IFNGR2: variants seen among roughly 807,000 people sequenced by gnomAD.
IFNGR2 encodes the protein IFN-gamma receptor 2.
A neutral mutation model predicts 41.1 loss-of-function variants in IFNGR2; 15 were observed. That is an observed-to-expected ratio of 0.37 (90% CI 0.24 to 0.56). The LOEUF is 0.56. Ranked by LOEUF, IFNGR2 falls within the 20% of genes least tolerant of loss-of-function variation. The pLI is 0.81. For missense variants in IFNGR2, 362 were observed against 415.7 expected, an observed-to-expected ratio of 0.87 and a Z score of 1.12; for synonymous variants, 161 against 171.6, an observed-to-expected ratio of 0.94 and a Z score of 0.48.
At chr21:33,405,423 T>A (rs185493128) in intron 1 of IFNGR2, among the ~76,000 whole-genome samples, 1 of 152,322 alleles carries the variant, frequency 6.6e-6, no homozygotes, top group Admixed American at 6.5e-5. Flanking sequence ...ATCCTGACTC[T>A]GCTTCCACTT....
rs191419881 is a variant in IFNGR2, at chr21:33,415,509, A to C, written c.206+489A>C. Among the ~76,000 whole-genome samples, 338 of 152,348 alleles carry C rather than the reference A, an allele frequency of 2.2e-3. 1 individual carries two copies. Among genetic ancestry groups the C allele is most frequent in the Middle Eastern group, 0.017 (5 of 294 alleles). On this transcript the variant is annotated intron_variant, in intron 2 of 6. Coordinates refer to ENST00000290219, the MANE Select transcript of IFNGR2 (RefSeq NM_005534.4). ...CTTTCATCTGTCTCTTGCCTCTTCA[A>C]GCTTTTGCAGAATTGGCCATCACTT...
chr21:33,426,481 G>A (rs1316931021), intron 3 of IFNGR2, among the ~76,000 whole-genome samples: 2 of 151,942 alleles, frequency 1.3e-5, no homozygotes, highest in Non-Finnish European at 2.9e-5. Flanking sequence ...CACTTTGGGA[G>A]GCTGAGGTGG....
chr21:33,404,627 CTG>C (rs1291105897), intron 1 of IFNGR2, among the ~76,000 whole-genome samples: 2 of 152,118 alleles, frequency 1.3e-5, no homozygotes, highest in Non-Finnish European at 2.9e-5. Flanking sequence ...GGAGGTCTCA[CTG>C]TGTTGCCCAG....
Position 33,409,330 on chromosome 21 carries a change from G to A in IFNGR2, c.74-5558G>A, listed in dbSNP as rs1373518397. 2.3e-4 allele frequency among the ~76,000 whole-genome samples: 34 copies of A among 149,252 alleles called. 1 individual carries two copies. Among genetic ancestry groups the A allele is most frequent in the Admixed American group, 1.8e-3 (27 of 14,936 alleles). ...TAAAAGCACAAAAAAATAGCCAGGCGTGGTAGCAGGTGCCTGTAATCCCAG... is the reference window on the plus strand; with the variant it reads ...TAAAAGCACAAAAAAATAGCCAGGCATGGTAGCAGGTGCCTGTAATCCCAG... On this transcript the variant is annotated intron_variant, in intron 1 of 6. Coordinates refer to ENST00000290219, the MANE Select transcript of IFNGR2 (RefSeq NM_005534.4).
At chr21:33,407,240 T>C (rs927206648) in intron 1 of IFNGR2, among the ~76,000 whole-genome samples, 1 of 152,144 alleles carries the variant, frequency 6.6e-6, no homozygotes, top group African/African-American at 2.4e-5. Flanking sequence ...TATCATTATT[T>C]GCTGACTTGA....
At chr21:33,413,826 CT>C (rs3057381) in intron 1 of IFNGR2, among the ~76,000 whole-genome samples, 56 of 61,738 alleles carry the variant, frequency 9.1e-4, no homozygotes, top group African/African-American at 2.5e-3. Flanking sequence ...GCCCCCTAAC[CT>C]TTTTTTTTTT....
At chr21:33,430,522 A>G (rs2083876944) in intron 4 of IFNGR2, among the ~76,000 whole-genome samples, 1 of 152,216 alleles carries the variant, frequency 6.6e-6, no homozygotes, top group Non-Finnish European at 1.5e-5. Flanking sequence ...AGCTCACTGT[A>G]GCCTCCAATT....
At chr21:33,421,757 C>G in intron 3 of IFNGR2, 72 bp downstream of exon 3, 1 of 1,136,128 alleles carries the variant, frequency 8.8e-7, no homozygotes, top group Non-Finnish European at 1.3e-6. Context: ...CGACTCCACA[C>G]ACCTCTGTCC....
intron 1 of IFNGR2, among the ~76,000 whole-genome samples, chr21:33,408,689 C>T (rs894155644): frequency 1.3e-5 from 2 of 152,116 alleles, no homozygotes; most frequent in African/African-American, 4.8e-5. Flanking sequence ...TACTTAGAGA[C>T]CTTGTCAGAA....
chr21:33,433,782 CAATTT>C (rs2083914994), intron 6 of IFNGR2, among the ~76,000 whole-genome samples: 1 of 113,846 alleles, frequency 8.8e-6, no homozygotes, highest in Non-Finnish European at 1.7e-5. Context: ...TATTTTACCA[CAATTT>C]AATTTTTTTT....
chr21:33,427,401 G>T (rs1273773621), intron 4 of IFNGR2, among the ~76,000 whole-genome samples: 1 of 152,178 alleles, frequency 6.6e-6, no homozygotes, highest in Non-Finnish European at 1.5e-5. Flanking sequence ...AGCCTGCAAG[G>T]CTTAACTGTA....
chr21:33,426,996 T>G lies in IFNGR2; in HGVS notation c.525T>G (p.Tyr175Ter). 3 of 1,613,498 alleles carry G rather than the reference T, an allele frequency of 1.9e-6. No individual in the cohort carries two copies. Among genetic ancestry groups the G allele is most frequent in the Non-Finnish European group, 2.5e-6 (3 of 1,179,528 alleles). The stretch of plus-strand genomic sequence containing the variant: ...ATACCTCCACGGCCTTTTTTTGTTA[T>G]TATGTCCATTACTGGGAAAAAGGAG... ...IADTSTAFFC[Y>*]YVHYWEKGGI... Residue 175 changes from tyrosine to a stop codon, truncating the protein, a stop_gained, in exon 4 of 7, where the codon TAT (tyrosine) becomes TAG (stop). Transcript: ENST00000290219. LOFTEE classifies it high-confidence loss of function.
chr21:33,409,359 C>A (rs1196971109), intron 1 of IFNGR2, among the ~76,000 whole-genome samples: 1 of 152,048 alleles, frequency 6.6e-6, no homozygotes, highest in Non-Finnish European at 1.5e-5. Context: ...ATCCCAGCTA[C>A]TCGGGAGGCT....
intron 1 of IFNGR2, among the ~76,000 whole-genome samples, chr21:33,409,439 T>C (rs1376541973): frequency 6.6e-6 from 1 of 152,066 alleles, no homozygotes; most frequent in Non-Finnish European, 1.5e-5. Flanking sequence ...ACTGCGACAC[T>C]GCACTCCAGC....
chr21:33,403,491 AC>A lies in IFNGR2; in HGVS notation c.-49del. 1 of 1,101,844 alleles carries A rather than the reference AC, an allele frequency of 9.1e-7. No homozygotes were observed. Among genetic ancestry groups the A allele is most frequent in the Non-Finnish European group, 1.1e-6 (1 of 897,384 alleles). The allele number at this position is 1,101,844 out of a possible 1,614,324, so 68.3% of individuals were successfully genotyped here. On this transcript the variant is annotated 5_prime_UTR_variant, in exon 1 of 7. Transcript: ENST00000290219. ...GGCGGCGACGTGAGCGGCTCCGCGGACCCCGAGCGGGGCCCCGGCCGCGACC... is the reference window on the plus strand; with the variant it reads ...GGCGGCGACGTGAGCGGCTCCGCGGACCCGAGCGGGGCCCCGGCCGCGACC...
At chr21:33,424,302 T>TA (rs1006811259) in intron 3 of IFNGR2, among the ~76,000 whole-genome samples, 140 of 144,592 alleles carry the variant, frequency 9.7e-4, no homozygotes, top group East Asian at 6.3e-3. Flanking sequence ...CTCTGTCATT[T>TA]AAAAAAAAAA....
At chr21:33,419,907 TGGA>T (rs934105050) in intron 2 of IFNGR2, among the ~76,000 whole-genome samples, 14 of 152,104 alleles carry the variant, frequency 9.2e-5, no homozygotes, top group African/African-American at 3.1e-4. Flanking sequence ...ATGTTGCTCT[TGGA>T]GGAGGAGGAG....
At chr21:33,435,545 AG>A (rs2083937377) in intron 6 of IFNGR2, among the ~76,000 whole-genome samples, 1 of 152,156 alleles carries the variant, frequency 6.6e-6, no homozygotes, top group Non-Finnish European at 1.5e-5. Flanking sequence ...CCCTGGGATG[AG>A]TATTAAAGTG....
At chr21:33,436,767 A>C (rs968682904) in intron 6 of IFNGR2, 61 bp from the exon 7 acceptor site, 49 of 1,347,906 alleles carry the variant, frequency 3.6e-5, no homozygotes, top group Non-Finnish European at 4.9e-5. Flanking sequence ...AACTAAAGTT[A>C]AAAGGTCTGG....
Sources: allele counts gnomAD v4.1 joint callset (sites outside exome capture counted in the v4.1 genomes callset), GRCh38; gene constraint gnomAD v4.1.1; transcripts MANE v1.5; gene names NCBI Gene and HGNC (gene_info 2026-07-23, HGNC 2026-07-21).